The following CSMD2 variants were observed in gnomAD, a reference collection of about 807,000 sequenced individuals.
CSMD2 encodes CUB and sushi domain-containing protein 2.
Under a neutral mutation model 398.5 loss-of-function variants are expected in CSMD2, and 130 were observed. The ratio of observed to expected loss-of-function variants is 0.33; its 90% CI spans 0.28 to 0.38. The LOEUF (loss-of-function observed/expected upper bound fraction) is 0.38. CSMD2 is among the 10% of genes least tolerant of loss of function. CSMD2 has a pLI of 1.00. For missense variants in CSMD2, 3,829 were observed against 4,764.9 expected (o/e 0.80, Z 5.78); for synonymous variants, 1,828 against 1,908.5 (o/e 0.96, Z 1.10).
intron 2 of CSMD2, among the ~76,000 whole-genome samples, chr1:34,039,184 C>G (rs1490441416): frequency 6.6e-6 from 1 of 152,176 alleles, no homozygotes; most frequent in Non-Finnish European, 1.5e-5. Context: ...CAGAGTGGAA[C>G]AGCACCTCCC....
chr1:33,825,936 T>C (rs1003833358), intron 6 of CSMD2, among the ~76,000 whole-genome samples, 162 bp from the exon 7 acceptor site: 8 of 152,054 alleles, frequency 5.3e-5, no homozygotes, highest in Non-Finnish European at 7.4e-5. Context: ...TCAAGGGCAA[T>C]AGGACCTCAG....
intron 15 of CSMD2, among the ~76,000 whole-genome samples, chr1:33,734,590 G>T (rs1344259580): frequency 1.3e-5 from 2 of 152,058 alleles, no homozygotes; most frequent in African/African-American, 4.8e-5. Context: ...TTTGAGACCA[G>T]TCTGGCCAAC....
rs1273117843 is a variant in CSMD2 at position 33,533,534 on chromosome 1, T to C, written c.9991+262A>G. 6.6e-6 allele frequency among the ~76,000 whole-genome samples: 1 copy of C among 152,066 alleles called. No individual in the cohort carries two copies. The highest frequency in any genetic ancestry group is 1.5e-5 in the Non-Finnish European group (1 of 68,008). ...AGCTTGATATCTCCATCCTGAGGCC[T>C]GGCCTTGCAGTTGTTAGTTTTTGCT... On this transcript the variant is annotated intron_variant, in intron 63 of 70. Coordinates refer to ENST00000373381, the MANE Select transcript of CSMD2 (RefSeq NM_001281956.2). The surrounding 1 kb of genome is among the most constrained non-coding windows in gnomAD (Gnocchi z 4.2).
At chr1:33,596,264 C>T (rs550468197) in intron 44 of CSMD2, among the ~76,000 whole-genome samples, 1 of 152,008 alleles carries the variant, frequency 6.6e-6, no homozygotes, top group Admixed American at 6.6e-5. Context: ...TCTGCTTGGG[C>T]TCCAATACCC....
At chr1:33,868,454 T>C (rs1640196508) in intron 5 of CSMD2, among the ~76,000 whole-genome samples, 1 of 151,920 alleles carries the variant, frequency 6.6e-6, no homozygotes, top group Admixed American at 6.6e-5. Context: ...AAACAACAAA[T>C]AGGCCAGGCG....
chr1:33,854,743 A>T (rs1638952987), intron 5 of CSMD2, among the ~76,000 whole-genome samples: 1 of 152,244 alleles, frequency 6.6e-6, no homozygotes, highest in Non-Finnish European at 1.5e-5. Context: ...GCTAATTGTT[A>T]GCTCCAGGGA....
rs1233873059 is a variant in CSMD2, at chr1:33,635,425, G to T, written c.4970-95C>A. On this transcript the variant is annotated intron_variant, in intron 30 of 70. Coordinates refer to ENST00000373381, the MANE Select transcript of CSMD2 (RefSeq NM_001281956.2). The surrounding 1 kb of genome is among the most constrained non-coding windows in gnomAD (Gnocchi z 5.0). ...GCCCCAGCCTGAGCTTCTGGCCCCAGTAGGGCTGCCCTGAGGTGGGCAGGC... is the reference window on the plus strand; with the variant it reads ...GCCCCAGCCTGAGCTTCTGGCCCCATTAGGGCTGCCCTGAGGTGGGCAGGC... The T allele has an allele frequency of 1.3e-6, 1 of 746,444 alleles. No homozygotes were observed. Among genetic ancestry groups the T allele is most frequent in the Non-Finnish European group, 2.3e-6 (1 of 444,286 alleles). The allele number at this position is 746,444 out of a possible 1,614,324, so 46.2% of individuals were successfully genotyped here. A position where few individuals can be genotyped will look rare whatever the true frequency, so the allele number is the denominator to read the frequency against.
intron 25 of CSMD2, among the ~76,000 whole-genome samples, chr1:33,673,347 A>G (rs548762024): frequency 6.6e-6 from 1 of 152,362 alleles, no homozygotes; most frequent in South Asian, 2.1e-4. Flanking sequence ...GTTCAACTGT[A>G]AGAAAGGGTA....
In CSMD2 at chr1:33,541,281, T is replaced by C. The variant is rs1312422404; in HGVS notation, c.9306A>G (p.Pro3102=). Residue 3102 remains proline (P), a synonymous_variant, in exon 59 of 71, where the codon CCA becomes CCG. Transcript: ENST00000373381. ...LVINCGDPGI[P]ANGLRLGNDF... ...CATTGCCCAGCCGAAGGCCATTGGC[T>C]GGAATCCCAGGGTCACCACAGTTTA... 1 of 1,614,096 alleles carries C rather than the reference T, an allele frequency of 6.2e-7. No homozygotes were observed. Among genetic ancestry groups the C allele is most frequent in the Non-Finnish European group, 8.5e-7 (1 of 1,180,014 alleles).
intron 3 of CSMD2, among the ~76,000 whole-genome samples, chr1:34,029,062 G>C (rs916379795): frequency 6.6e-6 from 1 of 152,166 alleles, no homozygotes; most frequent in African/African-American, 2.4e-5. Flanking sequence ...CAGCCAAGAG[G>C]AGCTACCAAG....
At chr1:33,950,981 T>C (rs1644991376) in intron 3 of CSMD2, among the ~76,000 whole-genome samples, 1 of 152,192 alleles carries the variant, frequency 6.6e-6, no homozygotes, top group Admixed American at 6.5e-5. Context: ...ATTACAGCAT[T>C]GAGTCGGGCA....
At chr1:34,112,778 G>A (rs940594426) in intron 1 of CSMD2, among the ~76,000 whole-genome samples, 1 of 152,296 alleles carries the variant, frequency 6.6e-6, no homozygotes, top group Admixed American at 6.5e-5. Context: ...AGGCTTGGGA[G>A]TAGCATGGGG....
chr1:34,064,565 A>C (rs551448883), intron 2 of CSMD2, among the ~76,000 whole-genome samples: 10 of 152,126 alleles, frequency 6.6e-5, no homozygotes, highest in African/African-American at 2.2e-4. Flanking sequence ...TGTTCATATC[A>C]CTGTCAGCAT....
chr1:33,556,898 G>GT (rs1658039140), intron 55 of CSMD2, among the ~76,000 whole-genome samples: 1 of 152,144 alleles, frequency 6.6e-6, no homozygotes, highest in Non-Finnish European at 1.5e-5. Context: ...CACCATGATT[G>GT]TAAGTTTCCT....
chr1:33,864,547 C>T (rs1046579898), intron 5 of CSMD2: 12 of 1,613,876 alleles, frequency 7.4e-6, no homozygotes, highest in Middle Eastern at 1.6e-4. Flanking sequence ...CCGAACTGGT[C>T]GGTGGTGCAG....
chr1:33,807,674 C>T (rs980084565), intron 10 of CSMD2, among the ~76,000 whole-genome samples: 4 of 152,108 alleles, frequency 2.6e-5, no homozygotes, highest in Admixed American at 6.5e-5. Context: ...TGATTAAAGT[C>T]ATAGTGTCCT....
intron 5 of CSMD2, among the ~76,000 whole-genome samples, chr1:33,881,292 TGAA>T (rs975866608): frequency 3.2e-4 from 49 of 152,290 alleles, no homozygotes; most frequent in African/African-American, 1.1e-3. Flanking sequence ...CCACAAATGT[TGAA>T]GAAAAGTAAA....
intron 25 of CSMD2, among the ~76,000 whole-genome samples, chr1:33,684,520 A>G (rs1009128670): frequency 2.0e-5 from 3 of 152,176 alleles, no homozygotes; most frequent in Non-Finnish European, 2.9e-5. Context: ...ATTTGCGCAT[A>G]AGAAATGACT....
At chr1:33,725,216 G>C in intron 17 of CSMD2, 133 bp downstream of exon 17, 1 of 721,064 alleles carries the variant, frequency 1.4e-6, no homozygotes. Context: ...AGGGCCTTCT[G>C]AAGGGCACAG....
Sources: allele counts gnomAD v4.1 joint callset (sites outside exome capture counted in the v4.1 genomes callset), GRCh38; gene constraint gnomAD v4.1.1; non-coding constraint Gnocchi (gnomAD v3.1); transcripts MANE v1.5; gene names NCBI Gene and HGNC (gene_info 2026-07-23, HGNC 2026-07-21).